Variants in MBD1 observed in about 807,000 individuals in gnomAD.
MBD1 encodes the protein methyl-CpG binding domain protein 1.
A neutral mutation model predicts 82.6 loss-of-function variants in MBD1; 25 were observed. The observed-to-expected ratio is 0.30, with a 90% CI of 0.22 to 0.42. The LOEUF (loss-of-function observed/expected upper bound fraction) is 0.42, where lower values mean the gene tolerates loss of function less well. MBD1 is among the 10% of genes least tolerant of loss of function. The pLI, the probability that MBD1 is intolerant of heterozygous loss-of-function variation, is 1.00. For synonymous variants in MBD1, 301 were observed against 303.7 expected (o/e 0.99, Z 0.09); for missense variants, 627 against 819.6 (o/e 0.76, Z 2.87).
rs544792733 is a variant in MBD1 at position 50,269,483 on chromosome 18, G to C, written c.*368C>G. Reference sequence around the variant, plus strand: ...GAAGGTTGGTGCTGGGGCACCAGGCGTTGTTGCAGTTCACACGTTGCCATG... The same window carrying C: ...GAAGGTTGGTGCTGGGGCACCAGGCCTTGTTGCAGTTCACACGTTGCCATG... On this transcript the variant is annotated 3_prime_UTR_variant, in exon 17 of 17. Transcript: ENST00000269468. 18 of 718,810 alleles carry C rather than the reference G, an allele frequency of 2.5e-5. No individual in the cohort carries two copies. The highest frequency in any genetic ancestry group is 4.5e-5 in the Non-Finnish European group (18 of 401,918). The allele number at this position is 718,810 out of a possible 1,614,324, so 44.5% of individuals were successfully genotyped here. A position where few individuals can be genotyped will look rare whatever the true frequency, so the allele number is the denominator to read the frequency against.
intron 15 of MBD1, among the ~76,000 whole-genome samples, chr18:50,271,772 G>GCT (rs2035656341): frequency 6.6e-6 from 1 of 152,128 alleles, no homozygotes; most frequent in African/African-American, 2.4e-5. Flanking sequence ...GCTTTGCAGG[G>GCT]CTCATTGTCC....
At chr18:50,280,041 G>A (rs570808374) in intron 1 of MBD1, 24 bp from the exon 2 acceptor site, 2 of 1,582,106 alleles carry the variant, frequency 1.3e-6, no homozygotes, top group Admixed American at 1.8e-5. Flanking sequence ...GAAGGGATGA[G>A]GGAAACTGAG....
At position 50,273,417 on chromosome 18, in the gene MBD1, C is replaced by T; in HGVS notation, c.1501G>A (p.Glu501Lys). The T allele has an allele frequency of 1.9e-6, 3 of 1,614,240 alleles. No individual in the cohort carries two copies. The highest frequency in any genetic ancestry group is 2.5e-6 in the Non-Finnish European group (3 of 1,180,042). Residue 501 changes from glutamate to lysine, a missense_variant, in exon 13 of 17, where the codon GAG (glutamate) becomes AAG (lysine). By Grantham distance (56) the Glu-to-Lys change is moderately conservative. Transcript: ENST00000269468. Reference sequence around the variant, plus strand: ...CACTCGTCCTGGGTATCCGCCTTCTCTTGCTTCACCTGGGGTAAGGCCACA... The same window carrying T: ...CACTCGTCCTGGGTATCCGCCTTCTTTTGCTTCACCTGGGGTAAGGCCACA... Reference protein sequence around the residue: ...WVVALPQVKQEKADTQDEWTP... With the variant: ...WVVALPQVKQKKADTQDEWTP...
chr18:50,277,315 T>A, intron 2 of MBD1, 111 bp from the exon 3 acceptor site: 1 of 726,624 alleles, frequency 1.4e-6, no homozygotes, highest in Non-Finnish European at 2.2e-6. Context: ...AATTGGCTTG[T>A]GAGCCCTGCC....
rs777893348 is a variant in MBD1 at position 50,276,678 on chromosome 18, C to T, written c.459G>A (p.Leu153=). The change falls in exon 5 of 17, where the codon TTG becomes TTA. Residue 153 remains leucine (L), a synonymous_variant. Coordinates refer to ENST00000269468, the MANE Select transcript of MBD1 (RefSeq NM_015846.4). ...GCCACTCACCTCGACAGTCTTTGCA[C>T]AACGTTTTGAGCCGCTGCCTTTGGG... ...DGTQRQRLKT[L]CKDCRAQRIA... The T allele has an allele frequency of 6.2e-7, 1 of 1,614,222 alleles. No individual in the cohort carries two copies. The highest frequency in any genetic ancestry group is 1.7e-5 in the Admixed American group (1 of 60,028).
At position 50,271,151 on chromosome 18, in the gene MBD1, T is replaced by C; in HGVS notation, c.*32+318A>G. ...TCCAGAAGCCACTTACAATTACTCATGAACATGGCTTGTTTAGGTTGTTTT... is the reference window on the plus strand; with the variant it reads ...TCCAGAAGCCACTTACAATTACTCACGAACATGGCTTGTTTAGGTTGTTTT... On this transcript the variant is annotated intron_variant, in intron 16 of 16. Transcript: ENST00000269468. 4.2e-6 allele frequency: 5 copies of C among 1,191,182 alleles called. No individual in the cohort carries two copies. The South Asian group carries it at 1.1e-4, about 26-fold the overall frequency. 73.8% of individuals were successfully genotyped at this position (1,191,182 alleles called of 1,614,324 possible).
intron 6 of MBD1, 117 bp downstream of exon 6, chr18:50,276,261 C>T: frequency 9.3e-7 from 1 of 1,079,488 alleles, no homozygotes; most frequent in Non-Finnish European, 1.4e-6. Flanking sequence ...CTATGGAGAG[C>T]ACCCTATAAA....
At position 50,273,695 on chromosome 18, in the gene MBD1, T is replaced by A; in HGVS notation, c.1315A>T (p.Thr439Ser). 1 of 1,614,142 alleles carries A rather than the reference T, an allele frequency of 6.2e-7. No homozygotes were observed. Among genetic ancestry groups the A allele is most frequent in the East Asian group, 2.2e-5 (1 of 44,876 alleles). Residue 439 changes from threonine to serine, a missense_variant, in exon 12 of 17, where the codon ACG becomes TCG. Thr to Ser is a moderately conservative substitution (Grantham distance 58). Around this residue, in one of 6 missense-constraint regions of MBD1, gnomAD observed 265 missense variants for 278.4 expected, o/e 0.95. Transcript: ENST00000269468. ...TAQPDHTQAPTKQEAGGGFVL... is the reference protein window; with the variant it reads ...TAQPDHTQAPSKQEAGGGFVL... ...AAGCCACCACCTGCTTCCTGCTTCG[T>A]TGGAGCCTGGGTATGGTCTGGTTGG...
downstream of MBD1, chr18:50,267,619 T>TTAC: frequency 6.5e-7 from 1 of 1,536,064 alleles, no homozygotes; most frequent in Admixed American, 2.0e-5. Context: ...GCAGCACAGG[T>TTAC]GGTAACCACA....
intron 2 of MBD1, 145 bp downstream of exon 2, chr18:50,279,738 G>T: frequency 9.3e-7 from 1 of 1,072,050 alleles, no homozygotes; most frequent in Non-Finnish European, 1.3e-6. Flanking sequence ...TATTAAGTAG[G>T]TGAAATTCAA....
chr18:50,270,982 C>T, intron 16 of MBD1: 1 of 956,186 alleles, frequency 1.0e-6, no homozygotes, highest in Non-Finnish European at 1.3e-6. Context: ...AAATCAATGT[C>T]TTCCCAAAAA....
Position 50,269,096 on chromosome 18 carries a change from T to C in MBD1, c.*755A>G, listed in dbSNP as rs1338047849. The C allele has an allele frequency of 1.0e-6, 1 of 990,894 alleles. No homozygotes were observed. The highest frequency in any genetic ancestry group is 1.7e-5 in the African/African-American group (1 of 57,282). 61.4% of individuals were successfully genotyped at this position (990,894 alleles called of 1,614,324 possible). A position where few individuals can be genotyped will look rare whatever the true frequency, so the allele number is the denominator to read the frequency against. The stretch of plus-strand genomic sequence containing the variant: ...CCGTATCTTTTGCATTTCTGTATCC[T>C]AGTATTAAGTACAGTGCCTACCACA... On this transcript the variant is annotated 3_prime_UTR_variant, in exon 17 of 17. Transcript: ENST00000269468.
At chr18:50,277,654 AT>A (rs2038534716) in intron 2 of MBD1, among the ~76,000 whole-genome samples, 1 of 152,136 alleles carries the variant, frequency 6.6e-6, no homozygotes, top group African/African-American at 2.4e-5. Context: ...TAAGTAATTG[AT>A]TTTGGGACCC....
At chr18:50,274,881 C>T in intron 10 of MBD1, 96 bp downstream of exon 10, 2 of 1,278,684 alleles carry the variant, frequency 1.6e-6, no homozygotes, top group Non-Finnish European at 2.3e-6. Context: ...TTGTGCCTTG[C>T]TGTTCCCCAA....
chr18:50,275,161 G>A lies in MBD1; in HGVS notation c.877C>T (p.Pro293Ser). The change falls in exon 9 of 17, where the codon CCC (proline) becomes TCC (serine). Residue 293 changes from proline (P) to serine (S), a missense_variant. Physicochemically the swap from Pro to Ser is moderately conservative, Grantham distance 74 (BLOSUM62 -1). Transcript: ENST00000269468. Reference protein sequence around the residue: ...RPGAQPLPPPPPSQSPEPTEP... With the variant: ...RPGAQPLPPPSPSQSPEPTEP... Reference sequence around the variant, plus strand: ...GTGGGCTCTGGGGACTGTGATGGGGGTGGTGGAGGCAGTGGCTGGGCTCCG... The same window carrying A: ...GTGGGCTCTGGGGACTGTGATGGGGATGGTGGAGGCAGTGGCTGGGCTCCG... The A allele has an allele frequency of 6.2e-7, 1 of 1,614,184 alleles. No individual in the cohort carries two copies. Among genetic ancestry groups the A allele is most frequent in the South Asian group, 1.1e-5 (1 of 91,080 alleles).
At chr18:50,277,780 A>G (rs1324422847) in intron 2 of MBD1, among the ~76,000 whole-genome samples, 2 of 152,142 alleles carry the variant, frequency 1.3e-5, no homozygotes, top group East Asian at 3.9e-4. Flanking sequence ...GATAAGAGAT[A>G]GGGTCTCCTT....
exon 1 of MBD1, chr18:50,281,521 CCCGGAACCGGAAGTCCGCTG>C: frequency 1.7e-6 from 1 of 578,694 alleles, no homozygotes; most frequent in Non-Finnish European, 3.1e-6. Context: ...GTTCGTTGCT[CCCGGAACCGGAAGTCCGCTG>C]CCTGCCTCTC....
At chr18:50,272,605 T>C in intron 15 of MBD1, 72 bp downstream of exon 15, 1 of 1,557,740 alleles carries the variant, frequency 6.4e-7, no homozygotes, top group Non-Finnish European at 8.9e-7. Context: ...CTGCCGGCTA[T>C]ACTTTCAAAA....
chr18:50,273,712 T>C lies in MBD1; in HGVS notation c.1298A>G (p.Asp433Gly). 2 of 1,614,130 alleles carry C rather than the reference T, an allele frequency of 1.2e-6. No individual in the cohort carries two copies. Among genetic ancestry groups the C allele is most frequent in the Non-Finnish European group, 1.7e-6 (2 of 1,180,032 alleles). Residue 433 changes from aspartate to glycine, a missense_variant, in exon 12 of 17, where the codon GAC becomes GGC. Asp to Gly is a moderately conservative substitution (Grantham distance 94). Transcript: ENST00000269468. Reference sequence around the variant, plus strand: ...CTGCTTCGTTGGAGCCTGGGTATGGTCTGGTTGGGCTGTGCGTGTAGCCAA... The same window carrying C: ...CTGCTTCGTTGGAGCCTGGGTATGGCCTGGTTGGGCTGTGCGTGTAGCCAA... ...PTLATRTAQP[D>G]HTQAPTKQEA...
Sources: gnomAD v4.1 joint callset for allele counts (sites outside exome capture counted in the v4.1 genomes callset) on GRCh38, gnomAD v4.1.1 for gene constraint, gnomAD v4.1.1 regional missense constraint, MANE v1.5 for transcripts, NCBI Gene and HGNC (gene_info 2026-07-23, HGNC 2026-07-21) for gene names.